KSR2: variants seen among roughly 807,000 people sequenced by gnomAD.
KSR2 encodes kinase suppressor of ras 2.
A neutral mutation model predicts 107.8 loss-of-function variants in KSR2; 25 were observed. The ratio of observed to expected loss-of-function variants is 0.23; its 90% confidence interval spans 0.17 to 0.32. KSR2 has a LOEUF of 0.32. KSR2 is among the 10% of genes least tolerant of loss of function. The pLI, the probability that KSR2 is intolerant of heterozygous loss-of-function variation, is 1.00. For synonymous variants in KSR2, 480 were observed against 507.0 expected (o/e 0.95, Z 0.71); for missense variants, 887 against 1,268.9 (o/e 0.70, Z 4.57).
intron 7 of KSR2, among the ~76,000 whole-genome samples, chr12:117,565,671 T>C (rs957859474): frequency 6.6e-6 from 1 of 152,234 alleles, no homozygotes; most frequent in Non-Finnish European, 1.5e-5. Context: ...GTTTTACATA[T>C]ATTTTAACCC....
chr12:117,475,282 G>A (rs1871704826), intron 17 of KSR2, among the ~76,000 whole-genome samples: 2 of 152,062 alleles, frequency 1.3e-5, no homozygotes, highest in African/African-American at 4.8e-5. Context: ...CAACCTTTAA[G>A]TCCTTGCAGG....
chr12:117,766,058 G>C (rs1889213455), intron 3 of KSR2, among the ~76,000 whole-genome samples: 2 of 152,160 alleles, frequency 1.3e-5, no homozygotes, highest in Non-Finnish European at 2.9e-5. Context: ...CCTAGGTACA[G>C]ACCCCAAATA....
Position 117,948,061 on chromosome 12 carries a change from T to C in KSR2, c.180+20015A>G, listed in dbSNP as rs141173803. 2.1e-3 allele frequency among the ~76,000 whole-genome samples: 313 copies of C among 152,276 alleles called. 2 individuals carry two copies. The highest frequency in any genetic ancestry group is 6.9e-3 in the African/African-American group (286 of 41,564). ...TATATAAAAAGACAAAATAACTAAA[T>C]AGCTAAAATAATTTTTGAAAAAGAA... On this transcript the variant is annotated intron_variant, in intron 1 of 19. Coordinates refer to ENST00000339824, the MANE Select transcript of KSR2 (RefSeq NM_173598.6).
chr12:117,849,689 CCT>C (rs1892844922), intron 3 of KSR2, among the ~76,000 whole-genome samples: 1 of 152,158 alleles, frequency 6.6e-6, no homozygotes, highest in African/African-American at 2.4e-5. Context: ...CTACCTCCAT[CCT>C]CTGAGAAAGA....
intron 5 of KSR2, among the ~76,000 whole-genome samples, chr12:117,642,679 G>T (rs1457319075): frequency 6.6e-6 from 1 of 152,206 alleles, no homozygotes; most frequent in East Asian, 1.9e-4. Flanking sequence ...ACTGGAGTTC[G>T]GGTGGACCTT....
chr12:117,652,578 C>T (rs1883949727), intron 5 of KSR2, among the ~76,000 whole-genome samples: 2 of 152,162 alleles, frequency 1.3e-5, no homozygotes, highest in South Asian at 4.1e-4. Flanking sequence ...CAGGCTGGGT[C>T]CCTTGAGGAA....
chr12:117,945,082 G>A (rs1408342629), intron 1 of KSR2, among the ~76,000 whole-genome samples: 1 of 151,958 alleles, frequency 6.6e-6, no homozygotes, highest in African/African-American at 2.4e-5. Context: ...AAAACAGATG[G>A]AACTGAAAAG....
At chr12:117,588,379 T>A (rs932044554) in intron 5 of KSR2, among the ~76,000 whole-genome samples, 6 of 152,140 alleles carry the variant, frequency 3.9e-5, no homozygotes, top group African/African-American at 1.4e-4. Flanking sequence ...AAGCCAGTTT[T>A]AAAAAATTAT....
At chr12:117,931,835 A>G (rs1895702630) in intron 1 of KSR2, among the ~76,000 whole-genome samples, 1 of 152,226 alleles carries the variant, frequency 6.6e-6, no homozygotes, top group Admixed American at 6.5e-5. Flanking sequence ...CCTGTCACAT[A>G]CAGGACACTG....
intron 1 of KSR2, among the ~76,000 whole-genome samples, chr12:117,871,738 A>C (rs965993731): frequency 2.0e-5 from 3 of 152,176 alleles, no homozygotes; most frequent in African/African-American, 7.2e-5. Context: ...AAGAGAAAAA[A>C]GGCTGGCAAC....
intron 10 of KSR2, among the ~76,000 whole-genome samples, chr12:117,535,309 T>G (rs528067409): frequency 6.6e-6 from 1 of 152,338 alleles, no homozygotes; most frequent in South Asian, 2.1e-4. Context: ...AGGCAACATG[T>G]TGGGCTTTGA....
chr12:117,715,096 C>G lies in KSR2; in HGVS notation c.986+45915G>C, dbSNP rs183022500. Among the ~76,000 whole-genome samples, 459 of 152,154 alleles carry G rather than the reference C, an allele frequency of 3.0e-3. 1 individual carries two copies. The highest frequency in any genetic ancestry group is 4.6e-3 in the Non-Finnish European group (312 of 68,014). On this transcript the variant is annotated intron_variant, in intron 4 of 19. Coordinates refer to ENST00000339824, the MANE Select transcript of KSR2 (RefSeq NM_173598.6). The stretch of plus-strand genomic sequence containing the variant: ...TGTGTTGCCCCTGGATACATAAATT[C>G]TCATCTAAATTCATGCTCGCATTCA...
rs1256847940 is a variant in KSR2, at chr12:117,558,592, G to A, written c.1326-19C>T. 1 of 1,603,742 alleles carries A rather than the reference G, an allele frequency of 6.2e-7. No individual in the cohort carries two copies. The highest frequency in any genetic ancestry group is 8.5e-7 in the Non-Finnish European group (1 of 1,170,626). ...CTTTAACCTGAGAAAGATAAAGAGA[G>A]AGAAAGATGGATAGGTGAATGGCTG... On this transcript the variant is annotated intron_variant, in intron 7 of 19. Transcript: ENST00000339824.
At chr12:117,576,534 G>C (rs550967276) in intron 7 of KSR2, among the ~76,000 whole-genome samples, 4 of 151,986 alleles carry the variant, frequency 2.6e-5, no homozygotes, top group African/African-American at 9.7e-5. Flanking sequence ...GTCTTGCTCT[G>C]TTGCCTAGGC....
At chr12:117,632,218 C>CTTT (rs544594793) in intron 5 of KSR2, among the ~76,000 whole-genome samples, 1,039 of 84,078 alleles carry the variant, frequency 0.012, 14 homozygotes, top group Non-Finnish European at 0.014. Flanking sequence ...AGTCCTACTC[C>CTTT]TTTTTTTTTT....
intron 3 of KSR2, among the ~76,000 whole-genome samples, chr12:117,801,086 A>T (rs1389167582): frequency 6.6e-6 from 1 of 152,076 alleles, no homozygotes; most frequent in Non-Finnish European, 1.5e-5. Flanking sequence ...TTATACTAGA[A>T]TGATTTATAA....
At chr12:117,934,489 A>T (rs1398073412) in intron 1 of KSR2, among the ~76,000 whole-genome samples, 2 of 152,220 alleles carry the variant, frequency 1.3e-5, no homozygotes, top group African/African-American at 4.8e-5. Context: ...CAATCCAGAA[A>T]GAAAGCCAAA....
At chr12:117,674,569 A>G (rs1453865680) in intron 4 of KSR2, among the ~76,000 whole-genome samples, 1 of 152,100 alleles carries the variant, frequency 6.6e-6, no homozygotes, top group Non-Finnish European at 1.5e-5. Flanking sequence ...GGATTTGCCT[A>G]TTCTGGACAT....
chr12:117,772,291 A>T (rs1272071237), intron 3 of KSR2, among the ~76,000 whole-genome samples: 1 of 143,196 alleles, frequency 7.0e-6, no homozygotes, highest in East Asian at 2.2e-4. Flanking sequence ...ACACTCACAC[A>T]TACACACCAT....
Sources: allele counts gnomAD v4.1 joint callset (sites outside exome capture counted in the v4.1 genomes callset), GRCh38; gene constraint gnomAD v4.1.1; transcripts MANE v1.5; gene names NCBI Gene and HGNC (gene_info 2026-07-23, HGNC 2026-07-21).